Variants in AOPEP observed in about 807,000 individuals in gnomAD.
AOPEP encodes the protein aminopeptidase O.
Under a neutral mutation model 98.1 loss-of-function variants are expected in AOPEP, and 77 were observed. The observed-to-expected ratio is 0.78, with a 90% CI of 0.65 to 0.95. The LOEUF (loss-of-function observed/expected upper bound fraction) is 0.95, where lower values mean the gene tolerates loss of function less well. AOPEP is among the 40% of genes least tolerant of loss of function. The probability of loss-of-function intolerance (pLI) is 0.00; values close to 1 mark genes in which losing one functional copy is unlikely to be tolerated. For synonymous variants in AOPEP, 346 were observed against 365.3 expected (o/e 0.95, Z 0.60); for missense variants, 1,024 against 1,024.7 (o/e 1.00, Z 0.01).
intron 5 of AOPEP, among the ~76,000 whole-genome samples, chr9:94,876,405 C>T (rs1007466627): frequency 2.0e-5 from 3 of 150,842 alleles, no homozygotes; most frequent in African/African-American, 7.3e-5. Context: ...TCGCTTTATC[C>T]CCCAGGCTGG....
chr9:94,829,449 G>A (rs1022098045), intron 5 of AOPEP, among the ~76,000 whole-genome samples: 1 of 152,136 alleles, frequency 6.6e-6, no homozygotes, highest in Admixed American at 6.5e-5. Flanking sequence ...TCTTGACAAA[G>A]AAATGTTTTG....
chr9:95,109,535 C>T, the AOPEP span: 6 of 151,196 alleles, frequency 4.0e-5, no homozygotes, highest in African/African-American at 1.2e-4. Flanking sequence ...TTGTTGTGAT[C>T]TGATTCAGTT....
At chr9:95,083,377 G>A (rs550360310) in intron 16 of AOPEP, among the ~76,000 whole-genome samples, 4 of 141,098 alleles carry the variant, frequency 2.8e-5, no homozygotes, top group East Asian at 2.2e-4. Flanking sequence ...CAGAGCACAC[G>A]CGGCACACAC....
intron 13 of AOPEP, among the ~76,000 whole-genome samples, chr9:95,048,204 A>G (rs2066008265): frequency 6.6e-6 from 1 of 152,004 alleles, no homozygotes; most frequent in African/African-American, 2.4e-5. Context: ...GTGAAATGGC[A>G]TGTATGCTAT....
At chr9:95,101,193 G>A in the AOPEP span, 1 of 254,804 alleles carries the variant, frequency 3.9e-6, no homozygotes, top group East Asian at 5.4e-5. Flanking sequence ...CACAAGGGAA[G>A]CCTGAGGGAC....
intron 13 of AOPEP, among the ~76,000 whole-genome samples, chr9:95,037,689 C>G (rs977936814): frequency 2.0e-5 from 3 of 152,174 alleles, no homozygotes; most frequent in Non-Finnish European, 4.4e-5. Context: ...AAGAAAAACC[C>G]TGGAGCACTA....
intron 5 of AOPEP, among the ~76,000 whole-genome samples, chr9:94,885,394 A>G (rs1469860776): frequency 1.5e-5 from 2 of 129,688 alleles, no homozygotes; most frequent in Non-Finnish European, 3.3e-5. Context: ...AAAAAAAGAC[A>G]TTGTGCTAGC....
At chr9:94,807,538 C>T (rs934224426) in intron 5 of AOPEP, among the ~76,000 whole-genome samples, 5 of 152,178 alleles carry the variant, frequency 3.3e-5, no homozygotes, top group Admixed American at 6.5e-5. Flanking sequence ...CTGAGACGGC[C>T]AGTCAGCACC....
rs369670937 is a variant in AOPEP at position 94,910,065 on chromosome 9, A to G, written c.1365-13921A>G. ...GGTTGCGGCAAGACTGCTGTGAGCC[A>G]GAGCTATGCAGGCGTTTGAATCGCG... On this transcript the variant is annotated intron_variant, in intron 5 of 16. Coordinates refer to ENST00000375315, the MANE Select transcript of AOPEP (RefSeq NM_001193329.3). Among the ~76,000 whole-genome samples the G allele has an allele frequency of 3.9e-4, 59 of 152,332 alleles. 1 individual carries two copies. Among genetic ancestry groups the G allele is most frequent in the African/African-American group, 1.4e-3 (58 of 41,584 alleles).
At chr9:94,987,248 A>G (rs1407139664) in intron 11 of AOPEP, among the ~76,000 whole-genome samples, 3 of 152,274 alleles carry the variant, frequency 2.0e-5, no homozygotes, top group Non-Finnish European at 4.4e-5. Context: ...TGGAAAGCTT[A>G]GTGTTCAGAA....
In AOPEP at chr9:94,849,756, G is replaced by A. The variant is rs1024736070; in HGVS notation, c.1364+48754G>A. Among the ~76,000 whole-genome samples, 64 of 152,092 alleles carry A rather than the reference G, an allele frequency of 4.2e-4. 1 individual carries two copies. The highest frequency in any genetic ancestry group is 6.8e-3 in the Middle Eastern group (2 of 294). On this transcript the variant is annotated intron_variant, in intron 5 of 16. Coordinates refer to ENST00000375315, the MANE Select transcript of AOPEP (RefSeq NM_001193329.3). ...CTCCTGTGAGAATTTAATGCCAGGCGGAGCGCAGTGGCTCACGCTTGTAAT... is the reference window on the plus strand; with the variant it reads ...CTCCTGTGAGAATTTAATGCCAGGCAGAGCGCAGTGGCTCACGCTTGTAAT...
intron 5 of AOPEP, among the ~76,000 whole-genome samples, chr9:94,917,993 C>T (rs922582396): frequency 9.8e-5 from 15 of 152,306 alleles, no homozygotes; most frequent in Admixed American, 9.1e-4. Flanking sequence ...TCATTCTCTA[C>T]GGCCCTAATT....
chr9:94,882,044 G>T (rs1055857383), intron 5 of AOPEP, among the ~76,000 whole-genome samples: 1 of 152,160 alleles, frequency 6.6e-6, no homozygotes, highest in African/African-American at 2.4e-5. Context: ...TTCCCCTTGG[G>T]CTAGGGAGTC....
chr9:94,819,965 A>T (rs181314299), intron 5 of AOPEP, among the ~76,000 whole-genome samples: 7,950 of 41,044 alleles, frequency 0.19, 346 homozygotes, highest in Middle Eastern at 0.38. Flanking sequence ...TTTTTTTTTG[A>T]GATGGAGTCT....
intron 7 of AOPEP, among the ~76,000 whole-genome samples, chr9:94,936,755 G>A (rs2056336709): frequency 6.6e-6 from 1 of 152,152 alleles, no homozygotes; most frequent in Admixed American, 6.5e-5. Flanking sequence ...CACGCCCCAG[G>A]TTGTCTACCC....
At chr9:95,070,473 TC>T (rs1165889630) in intron 14 of AOPEP, among the ~76,000 whole-genome samples, 3 of 152,232 alleles carry the variant, frequency 2.0e-5, no homozygotes, top group African/African-American at 7.2e-5. Context: ...GGGGAGTGCT[TC>T]CTGTTATAAA....
In AOPEP at chr9:95,030,564, G is replaced by T. The variant is rs555475906; in HGVS notation, c.2115+24948G>T. On this transcript the variant is annotated intron_variant, in intron 13 of 16. Coordinates refer to ENST00000375315, the MANE Select transcript of AOPEP (RefSeq NM_001193329.3). Reference sequence around the variant, plus strand: ...GAGCAGCGTCTGAGCCTCATGAAGGGATCGTGTCGGACTGTGAGAGGAAGG... The same window carrying T: ...GAGCAGCGTCTGAGCCTCATGAAGGTATCGTGTCGGACTGTGAGAGGAAGG... Among the ~76,000 whole-genome samples the T allele has an allele frequency of 9.1e-4, 139 of 152,320 alleles. 1 individual carries two copies. Among genetic ancestry groups the T allele is most frequent in the South Asian group, 7.5e-3 (36 of 4,826 alleles).
At position 95,060,829 on chromosome 9, in the gene AOPEP, G is replaced by A. The variant is rs370368598; in HGVS notation, c.2232+19G>A. On this transcript the variant is annotated intron_variant, in intron 14 of 16. Transcript: ENST00000375315. ...TGCAGAGGTAACCAGGAACACTCTC[G>A]GAGTTTAACCAGCAGGTCCCCACTG... 180 of 1,500,736 alleles carry A rather than the reference G, an allele frequency of 1.2e-4. No homozygotes were observed. The highest frequency in any genetic ancestry group is 1.7e-4 in the Middle Eastern group (1 of 5,816). The allele number at this position is 1,500,736 out of a possible 1,614,324, so 93.0% of individuals were successfully genotyped here.
intron 13 of AOPEP, among the ~76,000 whole-genome samples, chr9:95,016,245 ATTTTTT>A (rs532120566): frequency 5.7e-5 from 7 of 123,656 alleles, no homozygotes; most frequent in South Asian, 2.6e-4. Context: ...TTCTCTTGTG[ATTTTTT>A]TTTTTTTTTT....
Sources: allele counts gnomAD v4.1 joint callset (sites outside exome capture counted in the v4.1 genomes callset), GRCh38; gene constraint gnomAD v4.1.1; transcripts MANE v1.5; gene names NCBI Gene and HGNC (gene_info 2026-07-23, HGNC 2026-07-21).